The following AKR1C8 variants were observed in gnomAD, a reference collection of about 807,000 sequenced individuals.
The protein encoded by AKR1C8 is aldo-keto reductase family 1 member C8.
At chr10:5,172,603 A>T in the AKR1C8 span, among the ~76,000 whole-genome samples, 1 of 152,216 alleles carries the variant, frequency 6.6e-6, no homozygotes, top group South Asian at 2.1e-4. Flanking sequence ...TCTATAACAA[A>T]TTTTGACACC....
the AKR1C8 span, chr10:5,160,034 C>A: frequency 6.2e-6 from 2 of 323,622 alleles, no homozygotes; most frequent in Non-Finnish European, 6.6e-6. Flanking sequence ...GGTGATAGAC[C>A]TTTAGTGTAA....
At chr10:5,152,925 G>A in the AKR1C8 span, among the ~76,000 whole-genome samples, 2 of 151,772 alleles carry the variant, frequency 1.3e-5, no homozygotes, top group African/African-American at 2.4e-5. Context: ...TTCTTGGAGG[G>A]AGCTACCACC....
At chr10:5,174,367 T>G in the AKR1C8 span, among the ~76,000 whole-genome samples, 1 of 151,924 alleles carries the variant, frequency 6.6e-6, no homozygotes, top group South Asian at 2.1e-4. Context: ...TGCCTCTTAG[T>G]TCACGTGACT....
chr10:5,163,845 T>C, the AKR1C8 span, among the ~76,000 whole-genome samples: 1 of 149,890 alleles, frequency 6.7e-6, no homozygotes, highest in Admixed American at 6.6e-5. Flanking sequence ...GATATGCCTT[T>C]GTCCCAACAT....
chr10:5,142,216 T>A, the AKR1C8 span, among the ~76,000 whole-genome samples: 1 of 152,198 alleles, frequency 6.6e-6, no homozygotes, highest in African/African-American at 2.4e-5. Flanking sequence ...CTTCATACAC[T>A]TGAAGAGAGT....
At chr10:5,167,779 A>T in the AKR1C8 span, among the ~76,000 whole-genome samples, 1 of 36,094 alleles carries the variant, frequency 2.8e-5, no homozygotes, top group Non-Finnish European at 9.1e-5. Flanking sequence ...TAAGTATAAC[A>T]AAAAAAAGAC....
the AKR1C8 span, among the ~76,000 whole-genome samples, chr10:5,141,189 A>G: frequency 6.0e-3 from 915 of 152,236 alleles, 5 homozygotes; most frequent in African/African-American, 0.021. Flanking sequence ...AGTAGATTTC[A>G]ACCCAAGAAC....
At chr10:5,176,870 G>A in the AKR1C8 span, among the ~76,000 whole-genome samples, 1 of 152,196 alleles carries the variant, frequency 6.6e-6, no homozygotes, top group Non-Finnish European at 1.5e-5. Flanking sequence ...AGCTTAAGGA[G>A]ATTTTGGGCT....
the AKR1C8 span, among the ~76,000 whole-genome samples, chr10:5,177,837 AT>A: frequency 1.3e-5 from 2 of 151,994 alleles, no homozygotes; most frequent in African/African-American, 2.4e-5. Flanking sequence ...CCCCTTTATC[AT>A]TTTTTACTGC....
chr10:5,185,027 A>G, the AKR1C8 span: 1 of 534,722 alleles, frequency 1.9e-6, no homozygotes, highest in Non-Finnish European at 3.8e-6. Flanking sequence ...CAGGAGCATA[A>G]GTGCCAAATC....
the AKR1C8 span, among the ~76,000 whole-genome samples, chr10:5,144,849 G>T: frequency 6.6e-6 from 1 of 152,164 alleles, no homozygotes; most frequent in Admixed American, 6.5e-5. Context: ...TTTCTTAATT[G>T]ACTACGCTTT....
chr10:5,128,569 C>T, the AKR1C8 span, among the ~76,000 whole-genome samples: 1 of 151,794 alleles, frequency 6.6e-6, no homozygotes, highest in Admixed American at 6.6e-5. Flanking sequence ...TTTGGATAAG[C>T]TCAAGTTAAA....
chr10:5,121,454 A>C, the AKR1C8 span, among the ~76,000 whole-genome samples: 1 of 152,098 alleles, frequency 6.6e-6, no homozygotes, highest in Admixed American at 6.6e-5. Context: ...GGTTGGTGAG[A>C]TTTATAGAGC....
chr10:5,179,021 A>T, the AKR1C8 span, among the ~76,000 whole-genome samples: 3 of 152,156 alleles, frequency 2.0e-5, no homozygotes, highest in Admixed American at 6.5e-5. Flanking sequence ...TCCTGTCATT[A>T]TGATGTTAGC....
At chr10:5,176,867 G>T in the AKR1C8 span, among the ~76,000 whole-genome samples, 5 of 152,278 alleles carry the variant, frequency 3.3e-5, no homozygotes, top group East Asian at 5.8e-4. Flanking sequence ...ATCAGCTTAA[G>T]GAGATTTTGG....
the AKR1C8 span, among the ~76,000 whole-genome samples, chr10:5,134,980 T>C: frequency 3.3e-5 from 5 of 152,178 alleles, no homozygotes; most frequent in South Asian, 2.1e-4. Context: ...AGAACAAAGA[T>C]TGACTACCTT....
chr10:5,117,519 C>A, the AKR1C8 span, among the ~76,000 whole-genome samples: 2 of 152,238 alleles, frequency 1.3e-5, no homozygotes, highest in Admixed American at 6.5e-5. Flanking sequence ...ATCACCCACT[C>A]AGGACATGCT....
the AKR1C8 span, chr10:5,132,868 T>C: frequency 0.1 from 52,692 of 509,112 alleles, 3,134 homozygotes; most frequent in Admixed American, 0.15. Flanking sequence ...TATTCTTGCA[T>C]CTTGGGTTAG....
chr10:5,160,950 C>G, the AKR1C8 span: 1 of 464,196 alleles, frequency 2.2e-6, no homozygotes, highest in Non-Finnish European at 4.4e-6. Flanking sequence ...TTTCTGGTGC[C>G]TAAGGAGCTC....
Sources: gnomAD v4.1 joint callset for allele counts (sites outside exome capture counted in the v4.1 genomes callset) on GRCh38, gnomAD v4.1.1 for gene constraint, MANE v1.5 for transcripts, NCBI Gene and HGNC (gene_info 2026-07-23, HGNC 2026-07-21) for gene names.